PC: variants seen among roughly 807,000 people sequenced by gnomAD.
PC encodes pyruvate carboxylase, mitochondrial.
A neutral mutation model predicts 107.8 loss-of-function variants in PC; 46 were observed. The observed-to-expected ratio is 0.43, with a 90% confidence interval of 0.34 to 0.55. PC has a LOEUF of 0.55. PC is among the 20% of genes least tolerant of loss of function. PC has a pLI of 0.04. For missense variants in PC, 1,241 were observed against 1,643.1 expected (o/e 0.76, Z 4.23); for synonymous variants, 662 against 684.7 (o/e 0.97, Z 0.52).
intron 3 of PC, among the ~76,000 whole-genome samples, chr11:66,895,094 C>T (rs1042355048): frequency 1.3e-5 from 2 of 151,688 alleles, no homozygotes; most frequent in African/African-American, 4.8e-5. Context: ...CCTCCCCTCT[C>T]CAGCCCTGGA....
At chr11:66,936,120 T>C (rs1047112284) in intron 3 of PC, among the ~76,000 whole-genome samples, 4 of 147,724 alleles carry the variant, frequency 2.7e-5, no homozygotes, top group African/African-American at 1.0e-4. Flanking sequence ...TGGTGGCACA[T>C]GCCTGTAGTC....
chr11:66,873,440 T>A (rs1483132796), intron 3 of PC, among the ~76,000 whole-genome samples: 12 of 85,758 alleles, frequency 1.4e-4, no homozygotes, highest in Non-Finnish European at 2.1e-4. Flanking sequence ...ATATTATATA[T>A]TATATTATAT....
chr11:66,909,524 A>G (rs735498), intron 3 of PC, among the ~76,000 whole-genome samples: 9,512 of 152,266 alleles, frequency 0.062, 331 homozygotes, highest in Non-Finnish European at 0.087. Context: ...ACAGGCTGCT[A>G]CTGGATTGGA....
intron 3 of PC, among the ~76,000 whole-genome samples, chr11:66,942,240 T>C (rs1463320595): frequency 6.9e-6 from 1 of 144,266 alleles, no homozygotes; most frequent in Non-Finnish European, 1.5e-5. Flanking sequence ...CTACTAAATA[T>C]ACAAAAAAAA....
chr11:66,851,983 T>C, intron 15 of PC, 37 bp from the exon 16 acceptor site: 1 of 1,609,956 alleles, frequency 6.2e-7, no homozygotes, highest in Non-Finnish European at 8.5e-7. Flanking sequence ...CAGCTCTGCA[T>C]GCCTGGGGAA....
intron 3 of PC, among the ~76,000 whole-genome samples, chr11:66,924,852 C>T (rs1303028822): frequency 6.6e-6 from 1 of 152,126 alleles, no homozygotes; most frequent in Non-Finnish European, 1.5e-5. Context: ...GAAACAGCCC[C>T]TGATAGTCAG....
intron 11 of PC, 57 bp from the exon 12 acceptor site, chr11:66,864,013 C>T (rs1171345891): frequency 5.7e-6 from 9 of 1,581,198 alleles, no homozygotes; most frequent in Non-Finnish European, 7.8e-6. Flanking sequence ...AAAAGTGCCC[C>T]ACCCACCCCG....
At chr11:66,881,140 G>T (rs978811869) in intron 3 of PC, among the ~76,000 whole-genome samples, 1 of 152,202 alleles carries the variant, frequency 6.6e-6, no homozygotes, top group African/African-American at 2.4e-5. Context: ...AAACAGTAGT[G>T]AGTGAGTGAG....
chr11:66,903,773 A>ATAT (rs1383896793), intron 3 of PC, among the ~76,000 whole-genome samples: 16 of 62,526 alleles, frequency 2.6e-4, no homozygotes, highest in South Asian at 9.5e-4. Flanking sequence ...AAAAAAAAAA[A>ATAT]ATATATATAT....
chr11:66,851,837 C>T lies in PC; in HGVS notation c.1935G>A (p.Gly645=), dbSNP rs750469404. ...AGTTGGTGTAGCCCACAGCATTGGCCCCCCGCAGCAGCATCTGGAAAGGGA... is the reference window on the plus strand; with the variant it reads ...AGTTGGTGTAGCCCACAGCATTGGCTCCCCGCAGCAGCATCTGGAAAGGGA... ...PNIPFQMLLR[G]ANAVGYTNYP... The change falls in exon 16 of 23, where the codon GGG becomes GGA. Residue 645 remains glycine (G), a synonymous_variant. Transcript: ENST00000393960. 2.7e-5 allele frequency: 44 copies of T among 1,614,038 alleles called. No homozygotes were observed. The highest frequency in any genetic ancestry group is 1.6e-4 in the Middle Eastern group (1 of 6,084).
In PC at chr11:66,852,314, G is replaced by A. The variant is rs370767221; in HGVS notation, c.1825+125C>T. The A allele has an allele frequency of 1.9e-5, 17 of 873,316 alleles. No individual in the cohort carries two copies. Among genetic ancestry groups the A allele is most frequent in the African/African-American group, 1.6e-4 (10 of 60,650 alleles). The allele number at this position is 873,316 out of a possible 1,614,324, so 54.1% of individuals were successfully genotyped here. ...CCGGAGAGGGCGCTGTGCCTTCTTC[G>A]GTCCTTCCTCTTTGGTGTTCTTCGT... On this transcript the variant is annotated intron_variant, in intron 15 of 22. Coordinates refer to ENST00000393960, the MANE Select transcript of PC (RefSeq NM_001040716.2). The surrounding 1 kb of genome is among the most constrained non-coding windows in gnomAD (Gnocchi z 4.7).
chr11:66,871,037 G>A lies in PC; in HGVS notation c.633+15C>T. ...CTGCCCTGCCCTGCTCCCAGCCCTG[G>A]GCATCTTCACTCACCTCGTAGCTGT... On this transcript the variant is annotated intron_variant, in intron 7 of 22. Transcript: ENST00000393960. The surrounding 1 kb of genome is among the most constrained non-coding windows in gnomAD (Gnocchi z 7.4). 1 of 1,613,776 alleles carries A rather than the reference G, an allele frequency of 6.2e-7. No homozygotes were observed. The highest frequency in any genetic ancestry group is 8.5e-7 in the Non-Finnish European group (1 of 1,179,902).
In PC at chr11:66,863,925, C is replaced by T; in HGVS notation, c.1217G>A (p.Arg406His). The T allele has an allele frequency of 1.9e-6, 3 of 1,613,962 alleles. No individual in the cohort carries two copies. Among genetic ancestry groups the T allele is most frequent in the Non-Finnish European group, 2.5e-6 (3 of 1,180,028 alleles). The change falls in exon 12 of 23, where the codon CGC (arginine) becomes CAC (histidine). Residue 406 changes from arginine to histidine, a missense_variant. Transcript: ENST00000393960. ...VFRSGEGMGI[R>H]LDNASAFQGA... ...TTGGAAGGCGGAAGCATTATCCAGG[C>T]GGATGCCCATGCCCTCTCCGCTCCG... is the stretch of plus-strand genomic sequence containing the variant.
chr11:66,876,475 G>A (rs990130942), intron 3 of PC, among the ~76,000 whole-genome samples: 3 of 152,224 alleles, frequency 2.0e-5, no homozygotes, highest in African/African-American at 7.2e-5. Flanking sequence ...CATACCCACC[G>A]CTAATGCCGC....
intron 3 of PC, among the ~76,000 whole-genome samples, chr11:66,947,079 G>C (rs1287930252): frequency 1.3e-5 from 2 of 152,094 alleles, no homozygotes; most frequent in Non-Finnish European, 2.9e-5. Flanking sequence ...AGAAAATTTG[G>C]CAGTTCAAGT....
chr11:66,949,512 T>C (rs56262419), intron 3 of PC, among the ~76,000 whole-genome samples: 18 of 151,374 alleles, frequency 1.2e-4, no homozygotes, highest in African/African-American at 4.1e-4. Context: ...CTGACCAACA[T>C]GAAGAAACCC....
At chr11:66,920,648 C>T (rs1948572207) in intron 3 of PC, among the ~76,000 whole-genome samples, 1 of 152,168 alleles carries the variant, frequency 6.6e-6, no homozygotes, top group Non-Finnish European at 1.5e-5. Flanking sequence ...TCCAAGCAGC[C>T]TCCCCGCCTT....
Position 66,851,088 on chromosome 11 carries a change from G to A in PC, c.2175C>T (p.Gly725=), listed in dbSNP as rs1565212633. 6.2e-7 allele frequency: 1 copy of A among 1,613,298 alleles called. No individual in the cohort carries two copies. The highest frequency in any genetic ancestry group is 1.7e-5 in the Admixed American group (1 of 60,034). The change falls in exon 17 of 23, where the codon GGC becomes GGT. Residue 725 remains glycine (G), a synonymous_variant. Transcript: ENST00000393960. ...CAGCTCGCACCAGCTCTTCGGCCAA[G>A]CCCATGTAGTACTGCAGTGAGTACT... is the stretch of plus-strand genomic sequence containing the variant. ...RTKYSLQYYM[G]LAEELVRAGT...
chr11:66,858,767 C>A lies in PC; in HGVS notation c.1368+5007G>T, dbSNP rs199739517. ...ACGGGACCTTAGAGATTGGGGTGAC[C>A]GGCGCTGGGGACGCTGGGGGCTACA... On this transcript the variant is annotated intron_variant, in intron 12 of 22. Coordinates refer to ENST00000393960, the MANE Select transcript of PC (RefSeq NM_001040716.2). This position sits in a 1 kb window ranked among gnomAD's most constrained non-coding sequence, Gnocchi z 5.9. 2 of 1,551,226 alleles carry A rather than the reference C, an allele frequency of 1.3e-6. No homozygotes were observed. The highest frequency in any genetic ancestry group is 8.7e-7 in the Non-Finnish European group (1 of 1,147,742).
Sources: gnomAD v4.1 joint callset for allele counts (sites outside exome capture counted in the v4.1 genomes callset) on GRCh38, gnomAD v4.1.1 for gene constraint, Gnocchi (gnomAD v3.1) non-coding constraint, MANE v1.5 for transcripts, NCBI Gene and HGNC (gene_info 2026-07-23, HGNC 2026-07-21) for gene names.